Variants in ATXN7 observed in about 807,000 individuals in gnomAD.
ATXN7 encodes ataxin-7.
ATXN7 carries 12 observed loss-of-function variants against 70.5 expected under a neutral mutation model. That is an observed-to-expected ratio of 0.17 (90% CI 0.11 to 0.28). The LOEUF is 0.28. Among genes scored for constraint, ATXN7 ranks in the 10% least tolerant of loss-of-function variants. ATXN7 has a pLI of 1.00. For missense variants in ATXN7, 1,256 were observed against 1,131.7 expected (o/e 1.11, Z -1.58); for synonymous variants, 498 against 448.7 (o/e 1.11, Z -1.39).
chr3:63,884,139 A>G (rs562383663), intron 1 of ATXN7, among the ~76,000 whole-genome samples: 53 of 152,124 alleles, frequency 3.5e-4, no homozygotes, highest in Middle Eastern at 3.4e-3. Context: ...TGTGCCTGAG[A>G]CAGGGAATAA....
rs561674585 is a variant in ATXN7 at position 63,938,912 on chromosome 3, C to T, written c.395-13467C>T. Among the ~76,000 whole-genome samples the T allele has an allele frequency of 6.6e-5, 10 of 152,276 alleles. 1 individual carries two copies. The South Asian group carries it at 1.9e-3, about 28-fold the overall frequency. On this transcript the variant is annotated intron_variant, in intron 4 of 12. Coordinates refer to ENST00000674280, the MANE Select transcript of ATXN7 (RefSeq NM_001377405.1). ...GTTTCAGATATTAATGCATGGTTCT[C>T]ATCATTCTTGGAACCATATTTTAAA...
intron 4 of ATXN7, among the ~76,000 whole-genome samples, chr3:63,942,080 C>A (rs748652521): frequency 4.6e-5 from 7 of 152,254 alleles, no homozygotes; most frequent in Non-Finnish European, 8.8e-5. Context: ...GCGGTGAGAG[C>A]AGACAGTACA....
intron 11 of ATXN7, among the ~76,000 whole-genome samples, chr3:63,992,163 G>A (rs990658999): frequency 6.6e-6 from 1 of 152,192 alleles, no homozygotes; most frequent in Non-Finnish European, 1.5e-5. Context: ...AAAGTCAGAC[G>A]CTAGTCGGAG....
upstream of ATXN7, chr3:63,863,664 G>T: frequency 8.1e-7 from 1 of 1,227,378 alleles, no homozygotes; most frequent in Non-Finnish European, 1.0e-6. Flanking sequence ...CTGGCGAAGA[G>T]GCCGGGGAGG....
chr3:63,923,753 A>G (rs1385235608), intron 4 of ATXN7, among the ~76,000 whole-genome samples: 1 of 152,076 alleles, frequency 6.6e-6, no homozygotes, highest in Non-Finnish European at 1.5e-5. Context: ...GTGATTGCGC[A>G]TACTGGACTC....
chr3:63,968,876 G>A (rs971027807), intron 5 of ATXN7, among the ~76,000 whole-genome samples: 9 of 152,096 alleles, frequency 5.9e-5, no homozygotes, highest in Admixed American at 1.3e-4. Flanking sequence ...GAGCTTGACC[G>A]GAAGGTTTTA....
chr3:63,962,106 G>C (rs374555315), intron 5 of ATXN7, among the ~76,000 whole-genome samples: 1 of 152,058 alleles, frequency 6.6e-6, no homozygotes, highest in Admixed American at 6.6e-5. Context: ...AAAACAGACT[G>C]GTTTGGGAGG....
chr3:63,917,171 C>G (rs775824665), intron 4 of ATXN7, among the ~76,000 whole-genome samples: 1 of 152,134 alleles, frequency 6.6e-6, no homozygotes, highest in Non-Finnish European at 1.5e-5. Flanking sequence ...CCACCCACCT[C>G]GGCCTCCCAA....
intron 1 of ATXN7, among the ~76,000 whole-genome samples, chr3:63,870,748 G>A (rs1317944976): frequency 1.3e-5 from 2 of 152,016 alleles, no homozygotes; most frequent in African/African-American, 4.8e-5. Flanking sequence ...ATTAATACTG[G>A]CCTCTCAAGC....
intron 4 of ATXN7, among the ~76,000 whole-genome samples, chr3:63,922,431 C>G (rs1208581247): frequency 6.6e-6 from 1 of 152,176 alleles, no homozygotes; most frequent in East Asian, 1.9e-4. Flanking sequence ...CTTTGACTTG[C>G]AGAGAGAAGC....
intron 5 of ATXN7, among the ~76,000 whole-genome samples, chr3:63,963,780 G>A (rs1398165209): frequency 6.6e-6 from 1 of 151,978 alleles, no homozygotes; most frequent in Non-Finnish European, 1.5e-5. Context: ...TTTGTTTCTT[G>A]CTTTTTGTCT....
At chr3:63,912,512 C>A in intron 2 of ATXN7, 76 bp from the exon 3 acceptor site, 1 of 971,978 alleles carries the variant, frequency 1.0e-6, no homozygotes, top group South Asian at 2.8e-5. Context: ...CCGCGCACGC[C>A]GCCGGAACTC....
chr3:63,874,458 T>C (rs926239188), intron 1 of ATXN7, among the ~76,000 whole-genome samples: 4 of 152,236 alleles, frequency 2.6e-5, no homozygotes, highest in African/African-American at 9.6e-5. Flanking sequence ...AATGATAAAA[T>C]GCTGTGCATA....
intron 1 of ATXN7, among the ~76,000 whole-genome samples, chr3:63,867,856 G>A (rs913485985): frequency 2.2e-4 from 34 of 152,114 alleles, no homozygotes; most frequent in African/African-American, 7.2e-4. Flanking sequence ...CTACACTCTA[G>A]CCTGGGCAAC....
intron 4 of ATXN7, among the ~76,000 whole-genome samples, chr3:63,926,388 A>G (rs1331657331): frequency 1.3e-5 from 2 of 152,200 alleles, no homozygotes; most frequent in Admixed American, 6.5e-5. Context: ...CGTGACTTGT[A>G]GGATGTGAGA....
chr3:63,982,583 A>C, intron 7 of ATXN7, 138 bp downstream of exon 7: 1 of 796,082 alleles, frequency 1.3e-6, no homozygotes, highest in Non-Finnish European at 1.9e-6. Flanking sequence ...TCCTTAGTTA[A>C]TATGTTTGTT....
Position 63,996,279 on chromosome 3 carries a change from C to A in ATXN7, c.2457C>A (p.His819Gln). Residue 819 changes from histidine (H) to glutamine (Q), a missense_variant, in exon 12 of 13, where the codon CAC becomes CAA. By Grantham distance (24) the His-to-Gln change is conservative. Transcript: ENST00000674280. ...HQSNELPVNS[H>Q]GSFSHSHTPL... The stretch of plus-strand genomic sequence containing the variant: ...CCAATGAACTGCCTGTCAACTCCCA[C>A]GGCAGTTTTTCCCACTCACACACTC... 6.2e-7 allele frequency: 1 copy of A among 1,614,156 alleles called. No homozygotes were observed. Among genetic ancestry groups the A allele is most frequent in the Non-Finnish European group, 8.5e-7 (1 of 1,180,032 alleles).
chr3:63,940,347 G>C (rs1287894843), intron 4 of ATXN7, among the ~76,000 whole-genome samples: 1 of 151,560 alleles, frequency 6.6e-6, no homozygotes. Context: ...CCAAGGCTGG[G>C]AGCCTTACGG....
intron 1 of ATXN7, among the ~76,000 whole-genome samples, chr3:63,891,169 C>A (rs1250262733): frequency 6.6e-6 from 1 of 152,022 alleles, no homozygotes; most frequent in Non-Finnish European, 1.5e-5. Flanking sequence ...AGCACCACGC[C>A]TGGCTAATTT....
Sources: gnomAD v4.1 joint callset for allele counts (sites outside exome capture counted in the v4.1 genomes callset) on GRCh38, gnomAD v4.1.1 for gene constraint, MANE v1.5 for transcripts, NCBI Gene and HGNC (gene_info 2026-07-23, HGNC 2026-07-21) for gene names.